The following NBAS variants were observed in gnomAD, a reference collection of about 807,000 sequenced individuals.
NBAS encodes NBAS subunit of NRZ tethering complex.
NBAS carries 219 observed loss-of-function variants against 302.5 expected under a neutral mutation model. The observed-to-expected ratio is 0.72, with a 90% confidence interval of 0.65 to 0.81. The LOEUF is 0.81. Among genes scored for constraint, NBAS ranks in the 30% least tolerant of loss-of-function variants. The probability of loss-of-function intolerance (pLI) is 0.00; values close to 1 mark genes in which losing one functional copy is unlikely to be tolerated. For missense variants in NBAS, 2,932 were observed against 2,841.6 expected (o/e 1.03, Z -0.72); for synonymous variants, 1,118 against 1,021.6 (o/e 1.09, Z -1.80).
At chr2:15,544,878 G>C (rs180801121) in intron 6 of NBAS, among the ~76,000 whole-genome samples, 237 of 152,176 alleles carry the variant, frequency 1.6e-3, no homozygotes, top group African/African-American at 5.7e-3. Flanking sequence ...GGGTATTGTG[G>C]TGCACGCCTG....
chr2:14,877,479 T>C, the NBAS span, among the ~76,000 whole-genome samples: 4 of 152,234 alleles, frequency 2.6e-5, no homozygotes, highest in Non-Finnish European at 5.9e-5. Flanking sequence ...TAGTTATTGA[T>C]GCTAAGCAAA....
At chr2:14,911,653 G>A in the NBAS span, among the ~76,000 whole-genome samples, 2 of 152,144 alleles carry the variant, frequency 1.3e-5, no homozygotes, top group Non-Finnish European at 2.9e-5. Context: ...CAAGATTAAA[G>A]AAAGTGACTA....
intron 11 of NBAS, among the ~76,000 whole-genome samples, chr2:15,489,930 A>C (rs1680785275): frequency 6.6e-6 from 1 of 152,330 alleles, no homozygotes; most frequent in East Asian, 1.9e-4. Flanking sequence ...AGAGACCAGA[A>C]AACAGCAGCC....
rs186660283 is a variant in NBAS at position 15,346,361 on chromosome 2, C to T, written c.4179+5631G>A. ...GGGCAAAGGGTATGAACAAACACTT[C>T]TCAAAAGACATTTACACCTCCAAGA... On this transcript the variant is annotated intron_variant, in intron 35 of 51. Coordinates refer to ENST00000281513, the MANE Select transcript of NBAS (RefSeq NM_015909.4). 1.1e-3 allele frequency among the ~76,000 whole-genome samples: 164 copies of T among 152,152 alleles called. 1 individual carries two copies. The highest frequency in any genetic ancestry group is 1.9e-3 in the Non-Finnish European group (131 of 67,986).
chr2:15,097,891 G>T, the NBAS span, among the ~76,000 whole-genome samples: 40 of 121,654 alleles, frequency 3.3e-4, no homozygotes, highest in Non-Finnish European at 3.7e-4. Flanking sequence ...CCATTAAATG[G>T]TTATTATTAT....
At chr2:15,153,600 A>T in the NBAS span, among the ~76,000 whole-genome samples, 4 of 152,234 alleles carry the variant, frequency 2.6e-5, no homozygotes, top group South Asian at 6.2e-4. Flanking sequence ...GAGAAGCTGG[A>T]CCAGTTTCTT....
chr2:15,327,969 T>C (rs1313740192), intron 37 of NBAS, 99 bp from the exon 38 acceptor site: 4 of 1,498,214 alleles, frequency 2.7e-6, no homozygotes, highest in South Asian at 1.1e-5. Flanking sequence ...TTCTGGTGAC[T>C]TGAATAATAA....
the NBAS span, among the ~76,000 whole-genome samples, chr2:15,143,088 C>T: frequency 2.6e-5 from 4 of 152,194 alleles, no homozygotes; most frequent in Non-Finnish European, 4.4e-5. Context: ...TTCAGCGTGT[C>T]TTGTCACCCC....
intron 44 of NBAS, among the ~76,000 whole-genome samples, chr2:15,242,601 G>A (rs540940974): frequency 4.0e-5 from 6 of 151,034 alleles, no homozygotes; most frequent in South Asian, 4.2e-4. Flanking sequence ...GGAAGGAACA[G>A]AAGTAAAAGA....
At chr2:15,356,457 A>C (rs1301932426) in intron 32 of NBAS, 41 bp from the exon 33 acceptor site, 1 of 1,338,846 alleles carries the variant, frequency 7.5e-7, no homozygotes, top group African/African-American at 1.4e-5. Context: ...ATGACAAGCA[A>C]CGTCAATTGA....
At chr2:14,823,657 A>G in the NBAS span, among the ~76,000 whole-genome samples, 1 of 152,182 alleles carries the variant, frequency 6.6e-6, no homozygotes. Context: ...AAGCAAACTC[A>G]AGTGACATTA....
chr2:15,069,917 C>T, the NBAS span, among the ~76,000 whole-genome samples: 1 of 152,030 alleles, frequency 6.6e-6, no homozygotes, highest in Non-Finnish European at 1.5e-5. Flanking sequence ...AGTTCTTGAC[C>T]CAGACAAACC....
the NBAS span, among the ~76,000 whole-genome samples, chr2:14,784,990 T>A: frequency 6.6e-6 from 1 of 152,226 alleles, no homozygotes; most frequent in Non-Finnish European, 1.5e-5. Context: ...CCTCTTTTAT[T>A]TCATTGAGCA....
Position 15,561,212 on chromosome 2 carries a change from C to G in NBAS, c.93G>C (p.Glu31Asp). 8 of 1,613,992 alleles carry G rather than the reference C, an allele frequency of 5.0e-6. No homozygotes were observed. Among genetic ancestry groups the G allele is most frequent in the Non-Finnish European group, 6.8e-6 (8 of 1,180,032 alleles). Residue 31 changes from glutamate to aspartate, a missense_variant, in exon 1 of 52, where the codon GAG (glutamate) becomes GAC (aspartate). Physicochemically the swap from Glu to Asp is conservative, Grantham distance 45 (BLOSUM62 2). Coordinates refer to ENST00000281513, the MANE Select transcript of NBAS (RefSeq NM_015909.4). Reference protein sequence around the residue: ...TILYDLLVNTEWPPETEVQPR... With the variant: ...TILYDLLVNTDWPPETEVQPR... ...CCTGTACTTCAGTCTCCGGTGGCCA[C>G]TCGGTGTTGACCAACAAGTCATAGA...
At chr2:15,537,109 C>T (rs2148685387) in intron 7 of NBAS, among the ~76,000 whole-genome samples, 1 of 152,308 alleles carries the variant, frequency 6.6e-6, no homozygotes, top group Non-Finnish European at 1.5e-5. Flanking sequence ...AAGTTTATCA[C>T]CCATGAAGGG....
chr2:15,051,202 T>C, the NBAS span, among the ~76,000 whole-genome samples: 1 of 152,222 alleles, frequency 6.6e-6, no homozygotes, highest in Admixed American at 6.5e-5. Context: ...CCTGAGACTG[T>C]GGCCTCTTGT....
At chr2:15,402,092 T>C (rs1676181951) in intron 26 of NBAS, 76 bp downstream of exon 26, 1 of 1,545,212 alleles carries the variant, frequency 6.5e-7, no homozygotes, top group Non-Finnish European at 8.9e-7. Flanking sequence ...AAGGTAAGCA[T>C]TTGGGGAAGC....
chr2:15,312,578 C>G (rs1298515770), intron 38 of NBAS, among the ~76,000 whole-genome samples: 1 of 152,126 alleles, frequency 6.6e-6, no homozygotes, highest in Non-Finnish European at 1.5e-5. Context: ...TGCCCAGTCT[C>G]AATTCTATCC....
intron 1 of NBAS, 141 bp from the exon 2 acceptor site, chr2:15,558,775 TA>T (rs944071858): frequency 1.8e-5 from 13 of 706,380 alleles, no homozygotes; most frequent in African/African-American, 1.2e-4. Context: ...TAAAACTACT[TA>T]AAGACTGGAT....
Sources: gnomAD v4.1 joint callset for allele counts (sites outside exome capture counted in the v4.1 genomes callset) on GRCh38, gnomAD v4.1.1 for gene constraint, MANE v1.5 for transcripts, NCBI Gene and HGNC (gene_info 2026-07-23, HGNC 2026-07-21) for gene names.